The following ARHGAP5 variants were observed in gnomAD, a reference collection of about 807,000 sequenced individuals.
ARHGAP5 encodes Rho GTPase activating protein 5, also known as rho GTPase-activating protein 5.
A neutral mutation model predicts 116.6 loss-of-function variants in ARHGAP5; 23 were observed. That is an observed-to-expected ratio of 0.20 (90% CI 0.14 to 0.28). The LOEUF (loss-of-function observed/expected upper bound fraction) is 0.28, where lower values mean the gene tolerates loss of function less well. ARHGAP5 is among the 10% of genes least tolerant of loss of function. ARHGAP5 has a pLI of 1.00. For missense variants in ARHGAP5, 1,405 were observed against 1,774.8 expected, an observed-to-expected ratio of 0.79 and a Z score of 3.74; for synonymous variants, 574 against 602.0, an observed-to-expected ratio of 0.95 and a Z score of 0.68.
intron 3 of ARHGAP5, among the ~76,000 whole-genome samples, chr14:32,130,274 G>C (rs1239572170): frequency 6.9e-6 from 1 of 145,654 alleles, no homozygotes; most frequent in Non-Finnish European, 1.5e-5. Context: ...TGTAGTGGTG[G>C]GATCTCGGCT....
chr14:32,112,415 TTTTAATATG>T (rs1879356565), intron 2 of ARHGAP5, among the ~76,000 whole-genome samples: 1 of 152,196 alleles, frequency 6.6e-6, no homozygotes, highest in Non-Finnish European at 1.5e-5. Context: ...AAATGAGAGT[TTTTAATATG>T]TTGGACACTT....
At chr14:32,124,319 G>GT (rs1477232125) in intron 3 of ARHGAP5, among the ~76,000 whole-genome samples, 1 of 152,124 alleles carries the variant, frequency 6.6e-6, no homozygotes, top group Non-Finnish European at 1.5e-5. Flanking sequence ...CGAGTCCTTA[G>GT]TTTTTTACTA....
At chr14:32,146,209 C>A in intron 3 of ARHGAP5, 54 bp from the exon 4 acceptor site, 2 of 1,327,588 alleles carry the variant, frequency 1.5e-6, no homozygotes, top group Non-Finnish European at 2.2e-6. Flanking sequence ...CTGTGCCCAG[C>A]CGTGTGGATA....
rs976211743 is a variant in ARHGAP5 at position 32,090,731 on chromosome 14, C to G, written c.62C>G (p.Ser21Cys). The change falls in exon 2 of 7, where the codon TCT becomes TGT. Residue 21 changes from serine (S) to cysteine (C), a missense_variant. Around this residue, in one of 6 missense-constraint regions of ARHGAP5, gnomAD observed 190 missense variants for 314.9 expected, o/e 0.60. Coordinates refer to ENST00000345122, the MANE Select transcript of ARHGAP5 (RefSeq NM_001030055.2). The part of the protein sequence containing the change: ...PSYTISIVGL[S>C]GTEKDKGNCG... ...TATACCATCAGTATAGTTGGACTCT[C>G]TGGGACTGAAAAAGACAAAGGTAAC... 6.2e-7 allele frequency: 1 copy of G among 1,613,518 alleles called. No individual in the cohort carries two copies. Among genetic ancestry groups the G allele is most frequent in the Non-Finnish European group, 8.5e-7 (1 of 1,179,576 alleles).
In ARHGAP5 at chr14:32,158,829, T is replaced by C. The variant is rs1191996688; in HGVS notation, c.*3881T>C. ...TACAATGAGAGGATTGTACAAGCAT[T>C]AATCTCATATTCCAACATCCAGTTA... On this transcript the variant is annotated 3_prime_UTR_variant, in exon 7 of 7. Coordinates refer to ENST00000345122, the MANE Select transcript of ARHGAP5 (RefSeq NM_001030055.2). The C allele has an allele frequency of 6.6e-6, 1 of 152,066 alleles. No homozygotes were observed. Among genetic ancestry groups the C allele is most frequent in the African/African-American group, 2.4e-5 (1 of 41,452 alleles). 9.4% of individuals were successfully genotyped at this position (152,066 alleles called of 1,614,324 possible).
intron 3 of ARHGAP5, among the ~76,000 whole-genome samples, chr14:32,144,073 T>C (rs1235461247): frequency 2.0e-5 from 3 of 152,200 alleles, no homozygotes; most frequent in African/African-American, 7.2e-5. Context: ...GCTATGACTT[T>C]TACTGAGTAG....
rs554297933 is a variant in ARHGAP5, at chr14:32,131,929, G to A, written c.3866-14334G>A. ...GGACATGAACTCATCATTTTTTATG[G>A]CTGCATAGTATTCCATGGTGTATAT... On this transcript the variant is annotated intron_variant, in intron 3 of 6. Coordinates refer to ENST00000345122, the MANE Select transcript of ARHGAP5 (RefSeq NM_001030055.2). Among the ~76,000 whole-genome samples, 196 of 152,200 alleles carry A rather than the reference G, an allele frequency of 1.3e-3. 1 individual carries two copies. The highest frequency in any genetic ancestry group is 4.5e-3 in the African/African-American group (187 of 41,522).
At chr14:32,145,504 G>C (rs1019187291) in intron 3 of ARHGAP5, among the ~76,000 whole-genome samples, 38 of 152,110 alleles carry the variant, frequency 2.5e-4, no homozygotes, top group African/African-American at 8.5e-4. Flanking sequence ...GGGTATGGTG[G>C]TGGTGGTGTT....
chr14:32,121,567 A>G (rs902906350), intron 3 of ARHGAP5, among the ~76,000 whole-genome samples: 1 of 152,200 alleles, frequency 6.6e-6, no homozygotes, highest in Non-Finnish European at 1.5e-5. Flanking sequence ...TTTTTGAAAG[A>G]TATTTTCTTA....
intron 3 of ARHGAP5, among the ~76,000 whole-genome samples, chr14:32,125,457 A>G (rs1254461930): frequency 6.6e-6 from 1 of 152,206 alleles, no homozygotes; most frequent in African/African-American, 2.4e-5. Context: ...GTGTACAACT[A>G]TTCGTTCAAG....
intron 2 of ARHGAP5, among the ~76,000 whole-genome samples, chr14:32,098,541 A>G (rs1878641404): frequency 6.6e-6 from 1 of 152,172 alleles, no homozygotes; most frequent in Non-Finnish European, 1.5e-5. Context: ...TTCTTAAAGG[A>G]GGTCAGTGTG....
At chr14:32,100,678 A>G (rs1472711208) in intron 2 of ARHGAP5, among the ~76,000 whole-genome samples, 1 of 152,202 alleles carries the variant, frequency 6.6e-6, no homozygotes, top group Non-Finnish European at 1.5e-5. Context: ...GTGTCCACAG[A>G]GGTCTTGAAA....
intron 1 of ARHGAP5, among the ~76,000 whole-genome samples, chr14:32,077,757 C>G (rs996447200): frequency 1.3e-5 from 2 of 151,970 alleles, no homozygotes; most frequent in Non-Finnish European, 2.9e-5. Flanking sequence ...GGCGTCCGCT[C>G]TCGCCCGCCG....
At chr14:32,146,410 G>T (rs1260905662) in intron 4 of ARHGAP5, 70 bp downstream of exon 4, 9 of 1,171,070 alleles carry the variant, frequency 7.7e-6, no homozygotes, top group African/African-American at 1.5e-5. Context: ...ATGGTGAGAA[G>T]ATTGATTTTC....
At chr14:32,148,003 A>G (rs1334467297) in intron 4 of ARHGAP5, among the ~76,000 whole-genome samples, 3 of 152,220 alleles carry the variant, frequency 2.0e-5, no homozygotes, top group East Asian at 1.9e-4. Flanking sequence ...AATGCAAAAA[A>G]TTAGCCAGAC....
chr14:32,122,746 G>A (rs1189107341), intron 3 of ARHGAP5, among the ~76,000 whole-genome samples: 2 of 152,156 alleles, frequency 1.3e-5, no homozygotes, highest in African/African-American at 2.4e-5. Context: ...CATTATATAA[G>A]CACTATTTAT....
chr14:32,148,377 G>T (rs1390418096), intron 4 of ARHGAP5, among the ~76,000 whole-genome samples: 1 of 152,042 alleles, frequency 6.6e-6, no homozygotes, highest in Non-Finnish European at 1.5e-5. Context: ...CTATTTTTGT[G>T]CCTCTGGCAA....
At chr14:32,110,204 G>A (rs1204147060) in intron 2 of ARHGAP5, among the ~76,000 whole-genome samples, 2 of 145,160 alleles carry the variant, frequency 1.4e-5, no homozygotes, top group East Asian at 4.0e-4. Flanking sequence ...TTGTAGCTGG[G>A]GAGATAAAAA....
chr14:32,106,308 A>G (rs1238866089), intron 2 of ARHGAP5, among the ~76,000 whole-genome samples: 2 of 152,030 alleles, frequency 1.3e-5, no homozygotes, highest in Non-Finnish European at 2.9e-5. Flanking sequence ...TTTAGTAGAG[A>G]CGGGCTTTCA....
Sources: gnomAD v4.1 joint callset for allele counts (sites outside exome capture counted in the v4.1 genomes callset) on GRCh38, gnomAD v4.1.1 for gene constraint, gnomAD v4.1.1 regional missense constraint, MANE v1.5 for transcripts, NCBI Gene and HGNC (gene_info 2026-07-23, HGNC 2026-07-21) for gene names.